The following ORC5 variants were observed in gnomAD, a reference collection of about 807,000 sequenced individuals.
The protein encoded by ORC5 is origin recognition complex subunit 5.
A neutral mutation model predicts 58.8 loss-of-function variants in ORC5; 39 were observed. The observed-to-expected ratio is 0.66, with a 90% CI of 0.51 to 0.87. The LOEUF (loss-of-function observed/expected upper bound fraction) is 0.87. Ranked by LOEUF, ORC5 falls within the 40% of genes least tolerant of loss-of-function variation. The pLI, the probability that ORC5 is intolerant of heterozygous loss-of-function variation, is 0.00. For missense variants in ORC5, 493 were observed against 506.3 expected (o/e 0.97, Z 0.25); for synonymous variants, 218 against 177.6 (o/e 1.23, Z -1.81).
At chr7:104,167,946 C>T (rs2115877978) in intron 9 of ORC5, 1 of 151,662 alleles carries the variant, frequency 6.6e-6, no homozygotes, top group East Asian at 1.9e-4. Flanking sequence ...TTTCTTTAAC[C>T]ATCAGCCACT....
chr7:104,200,762 T>C lies in ORC5; in HGVS notation c.362A>G (p.Tyr121Cys), dbSNP rs778165180. Reference protein sequence around the residue: ...TAENLKDQTVYIVLDKAEYLR... With the variant: ...TAENLKDQTVCIVLDKAEYLR... ...TAATCAAATGAAATTACTTACAATA[T>C]ATACAGTCTGATCTTTAAGATTTTC... Residue 121 changes from tyrosine to cysteine, a missense_variant, in exon 3 of 14, where the codon TAT (tyrosine) becomes TGT (cysteine). Tyr to Cys is a radical substitution (Grantham distance 194). Transcript: ENST00000297431. 1 of 1,560,478 alleles carries C rather than the reference T, an allele frequency of 6.4e-7. No individual in the cohort carries two copies. Among genetic ancestry groups the C allele is most frequent in the Non-Finnish European group, 8.8e-7 (1 of 1,132,934 alleles).
chr7:104,168,354 A>C, intron 9 of ORC5, 119 bp downstream of exon 9: 1 of 1,444,294 alleles, frequency 6.9e-7, no homozygotes, highest in Non-Finnish European at 9.2e-7. Flanking sequence ...TAGCTTGAAA[A>C]GTAAATTCTC....
chr7:104,160,475 T>C (rs1584493281), intron 12 of ORC5, among the ~76,000 whole-genome samples: 2 of 152,174 alleles, frequency 1.3e-5, no homozygotes, highest in Non-Finnish European at 2.9e-5. Context: ...TTCTGGACCA[T>C]TTAAGAAATC....
chr7:104,158,305 C>T (rs1372857041), intron 12 of ORC5, among the ~76,000 whole-genome samples: 3 of 152,110 alleles, frequency 2.0e-5, no homozygotes, highest in Non-Finnish European at 4.4e-5. Context: ...CCCTTCCTTA[C>T]ACCTTATACA....
At chr7:104,147,611 T>A (rs1018140751) in intron 12 of ORC5, among the ~76,000 whole-genome samples, 15 of 152,170 alleles carry the variant, frequency 9.9e-5, no homozygotes, top group Non-Finnish European at 2.2e-4. Flanking sequence ...ATTGGCATTA[T>A]CAGTCCCTAG....
At chr7:104,196,662 C>A (rs1275476974) in intron 4 of ORC5, among the ~76,000 whole-genome samples, 1 of 152,130 alleles carries the variant, frequency 6.6e-6, no homozygotes, top group Non-Finnish European at 1.5e-5. Context: ...GCTTTAAGCA[C>A]TTCTCCCCAA....
intron 12 of ORC5, among the ~76,000 whole-genome samples, chr7:104,145,873 T>C (rs1041669288): frequency 6.6e-6 from 1 of 152,148 alleles, no homozygotes; most frequent in African/African-American, 2.4e-5. Context: ...CCAGGTAGGC[T>C]CATTCCTCCC....
intron 8 of ORC5, among the ~76,000 whole-genome samples, chr7:104,177,690 C>A (rs1169439181): frequency 1.3e-5 from 2 of 152,120 alleles, no homozygotes; most frequent in African/African-American, 4.8e-5. Context: ...GCCCTGCATG[C>A]ATTAGGTATT....
intron 12 of ORC5, among the ~76,000 whole-genome samples, chr7:104,148,908 C>T (rs1045617914): frequency 4.6e-5 from 7 of 151,984 alleles, no homozygotes; most frequent in Non-Finnish European, 1.0e-4. Flanking sequence ...GTGGCGCATG[C>T]CTGTAGCCCC....
At position 104,136,838 on chromosome 7, in the gene ORC5, A is replaced by G. The variant is rs1284261686; in HGVS notation, c.1205T>C (p.Leu402Pro). 1 of 1,613,992 alleles carries G rather than the reference A, an allele frequency of 6.2e-7. No individual in the cohort carries two copies. Among genetic ancestry groups the G allele is most frequent in the Non-Finnish European group, 8.5e-7 (1 of 1,179,966 alleles). ...LLTLVGHDDQ[L>P]DGPKYKCTVS... ...TGTGCATTTGTATTTTGGTCCATCA[A>G]GCTGATCGTCATGGCCAACCAGGGT... Residue 402 changes from leucine (L) to proline (P), a missense_variant, in exon 13 of 14, where the codon CTT becomes CCT. Leu to Pro is a moderately conservative substitution (Grantham distance 98). This residue lies in a region of ORC5 where 77 missense variants were observed against 86.1 expected (regional missense o/e 0.89). Coordinates refer to ENST00000297431, the MANE Select transcript of ORC5 (RefSeq NM_002553.4). This position sits in a 1 kb window ranked among gnomAD's most constrained non-coding sequence, Gnocchi z 4.2.
chr7:104,208,008 G>C lies in ORC5; in HGVS notation c.-104C>G, dbSNP rs562924275. 2.7e-6 allele frequency: 3 copies of C among 1,119,874 alleles called. No homozygotes were observed. The South Asian group carries it at 4.0e-5, about 15-fold the overall frequency. 69.4% of individuals were successfully genotyped at this position (1,119,874 alleles called of 1,614,324 possible). ...GCGGCCCACGCTCCCGCCGGAAACCGGACCCGCAGCGTCGTGGGAGGAGCC... is the reference window on the plus strand; with the variant it reads ...GCGGCCCACGCTCCCGCCGGAAACCCGACCCGCAGCGTCGTGGGAGGAGCC... On this transcript the variant is annotated 5_prime_UTR_variant, in exon 1 of 14. Transcript: ENST00000297431.
chr7:104,187,782 T>A (rs1261566155), intron 6 of ORC5: 2 of 983,602 alleles, frequency 2.0e-6, no homozygotes, highest in African/African-American at 3.5e-5. Flanking sequence ...CAGTGGTTAA[T>A]GAAAGACCTG....
intron 5 of ORC5, among the ~76,000 whole-genome samples, chr7:104,189,961 C>T (rs909777524): frequency 6.6e-6 from 1 of 152,106 alleles, no homozygotes; most frequent in African/African-American, 2.4e-5. Context: ...AAGCCCTTAA[C>T]TTGTGAGGTC....
At chr7:104,127,477 A>C (rs1798447498) in intron 13 of ORC5, among the ~76,000 whole-genome samples, 1 of 152,212 alleles carries the variant, frequency 6.6e-6, no homozygotes, top group East Asian at 1.9e-4. Flanking sequence ...GGCAGAATAA[A>C]ATAGCAGAGA....
At chr7:104,180,791 A>C (rs1799416916) in intron 8 of ORC5, among the ~76,000 whole-genome samples, 2 of 152,220 alleles carry the variant, frequency 1.3e-5, no homozygotes, top group South Asian at 4.1e-4. Context: ...CATAAAACTT[A>C]GAGATCTAAT....
At chr7:104,179,058 T>C (rs1315128038) in intron 8 of ORC5, among the ~76,000 whole-genome samples, 1 of 151,350 alleles carries the variant, frequency 6.6e-6, no homozygotes, top group Non-Finnish European at 1.5e-5. Flanking sequence ...TGTGCAAAGT[T>C]AAGGGTATAA....
chr7:104,194,742 T>C, intron 5 of ORC5, among the ~76,000 whole-genome samples: 2 of 152,134 alleles, frequency 1.3e-5, no homozygotes, highest in East Asian at 3.9e-4. Context: ...GATGTCATAA[T>C]CACAATATAA....
At chr7:104,143,947 C>T (rs1256039607) in intron 12 of ORC5, among the ~76,000 whole-genome samples, 2 of 151,888 alleles carry the variant, frequency 1.3e-5, no homozygotes, top group African/African-American at 2.4e-5. Flanking sequence ...GGTGAAACCC[C>T]GTCTCTGCTA....
chr7:104,173,852 T>C (rs992588863), intron 8 of ORC5, among the ~76,000 whole-genome samples: 3 of 144,822 alleles, frequency 2.1e-5, no homozygotes, highest in East Asian at 2.0e-4. Context: ...TTTCTTTTTT[T>C]TTTTTTTTTT....
Sources: gnomAD v4.1 joint callset for allele counts (sites outside exome capture counted in the v4.1 genomes callset) on GRCh38, gnomAD v4.1.1 for gene constraint, gnomAD v4.1.1 regional missense constraint, Gnocchi (gnomAD v3.1) non-coding constraint, MANE v1.5 for transcripts, NCBI Gene and HGNC (gene_info 2026-07-23, HGNC 2026-07-21) for gene names.